ANKRD10: variants seen among roughly 807,000 people sequenced by gnomAD.
ANKRD10 encodes ankyrin repeat domain-containing protein 10.
ANKRD10 carries 14 observed loss-of-function variants against 27.0 expected under a neutral mutation model. The ratio of observed to expected loss-of-function variants is 0.52; its 90% CI spans 0.34 to 0.81. ANKRD10 has a LOEUF of 0.81. Ranked by LOEUF, ANKRD10 falls within the 40% of genes least tolerant of loss-of-function variation. The pLI is 0.01. For missense variants in ANKRD10, 493 were observed against 544.0 expected (o/e 0.91, Z 0.93); for synonymous variants, 250 against 224.5 (o/e 1.11, Z -1.01).
chr13:110,892,022 T>G (rs2138837303), intron 4 of ANKRD10, among the ~76,000 whole-genome samples: 1 of 151,544 alleles, frequency 6.6e-6, no homozygotes, highest in South Asian at 2.1e-4. Context: ...CTAAGACATC[T>G]TATATATAGA....
rs774817371 is a variant in ANKRD10, at chr13:110,883,750, T to C, written c.735A>G (p.Thr245=). Residue 245 remains threonine, a synonymous_variant, in exon 5 of 6, where the codon ACA becomes ACG. Transcript: ENST00000267339. ...CGTGCATTTTGTCAGCATCGTCTTC[T>C]GTGTCGCCATTCGTGAGTGGCACGG... ...DSAVPLTNGD[T]EDDADKMHVD... 3.7e-6 allele frequency: 6 copies of C among 1,614,236 alleles called. No individual in the cohort carries two copies. The South Asian group carries it at 5.5e-5, about 15-fold the overall frequency.
At chr13:110,888,582 TTCCTC>T (rs904581674) in intron 4 of ANKRD10, among the ~76,000 whole-genome samples, 8 of 152,232 alleles carry the variant, frequency 5.3e-5, no homozygotes, top group Admixed American at 1.3e-4. Context: ...GGCATTTTAT[TTCCTC>T]TCAAGTTTCA....
At chr13:110,899,218 G>A (rs562942428) in intron 3 of ANKRD10, 1 of 152,304 alleles carries the variant, frequency 6.6e-6, no homozygotes, top group East Asian at 1.9e-4. Context: ...ATTCCAAAGG[G>A]AAAATTAAAG....
intron 4 of ANKRD10, 65 bp downstream of exon 4, chr13:110,892,963 A>G (rs1408442831): frequency 1.3e-5 from 21 of 1,584,740 alleles, no homozygotes; most frequent in Admixed American, 1.1e-4. Flanking sequence ...GCTCAGCCAT[A>G]AAAAGAAAAC....
intron 5 of ANKRD10, among the ~76,000 whole-genome samples, chr13:110,881,142 A>G (rs1566444218): frequency 1.3e-5 from 2 of 152,250 alleles, no homozygotes; most frequent in African/African-American, 4.8e-5. Flanking sequence ...ACGTAACAGT[A>G]TAAGGGATGA....
At chr13:110,897,827 C>T (rs191531621) in intron 3 of ANKRD10, among the ~76,000 whole-genome samples, 325 of 152,336 alleles carry the variant, frequency 2.1e-3, no homozygotes, top group African/African-American at 7.3e-3. Context: ...AGTGTTTAAA[C>T]GTTCCTTTGC....
intron 5 of ANKRD10, among the ~76,000 whole-genome samples, chr13:110,880,863 C>T (rs2064804199): frequency 6.6e-6 from 1 of 152,218 alleles, no homozygotes; most frequent in Non-Finnish European, 1.5e-5. Flanking sequence ...CCTGGGCCAA[C>T]AGCACAACGC....
At chr13:110,892,884 T>C in intron 4 of ANKRD10, 144 bp downstream of exon 4, 1 of 1,441,304 alleles carries the variant, frequency 6.9e-7, no homozygotes, top group Non-Finnish European at 9.1e-7. Context: ...ACAGGAGAAA[T>C]CTCCACCGTC....
intron 4 of ANKRD10, chr13:110,892,676 TAAA>T: frequency 4.1e-6 from 3 of 735,180 alleles, no homozygotes; most frequent in Non-Finnish European, 3.3e-6. Context: ...AGAAGCAAAT[TAAA>T]AAAAAAAAAA....
Position 110,879,997 on chromosome 13 carries a change from C to T in ANKRD10, c.903G>A (p.Gln301=), listed in dbSNP as rs755766154. The stretch of plus-strand genomic sequence containing the variant: ...TAATTCCGTTAGTTCCTGTCAAGCA[C>T]TGGCCATTCCTGCTTTCCATCCCAC... ...PLSGMESRNG[Q]CLTGTNGISS... is the part of the protein sequence containing the mutation. The change falls in exon 6 of 6, where the codon CAG becomes CAA. Residue 301 remains glutamine (Q), a synonymous_variant. Coordinates refer to ENST00000267339, the MANE Select transcript of ANKRD10 (RefSeq NM_017664.4). The T allele has an allele frequency of 6.2e-7, 1 of 1,614,234 alleles. No homozygotes were observed. Among genetic ancestry groups the T allele is most frequent in the South Asian group, 1.1e-5 (1 of 91,088 alleles).
intron 5 of ANKRD10, among the ~76,000 whole-genome samples, chr13:110,882,881 T>TA (rs1266083870): frequency 2.6e-5 from 4 of 152,000 alleles, no homozygotes; most frequent in South Asian, 2.1e-4. Flanking sequence ...ATAATAAACT[T>TA]AAAAAAAATC....
intron 4 of ANKRD10, 128 bp from the exon 5 acceptor site, chr13:110,883,921 G>A: frequency 1.9e-6 from 2 of 1,071,036 alleles, no homozygotes; most frequent in Admixed American, 2.9e-5. Flanking sequence ...AAAATCGACA[G>A]GTCACTAATG....
rs1000744993 is a variant in ANKRD10, at chr13:110,893,019, C to T, written c.691+9G>A. 9 of 1,612,880 alleles carry T rather than the reference C, an allele frequency of 5.6e-6. No homozygotes were observed. The highest frequency in any genetic ancestry group is 4.5e-5 in the East Asian group (2 of 44,870). On this transcript the variant is annotated intron_variant, in intron 4 of 5. Transcript: ENST00000267339. ...AAGTGTGCTCTTCCCACCCGCAAAG[C>T]GGTCTCACCTTCAGTTCTAGCTTTC... is the stretch of plus-strand genomic sequence containing the variant.
intron 4 of ANKRD10, among the ~76,000 whole-genome samples, chr13:110,892,415 G>GAAAAAAAAAAAA (rs1381734881): frequency 3.1e-3 from 8 of 2,586 alleles, no homozygotes; most frequent in African/African-American, 4.9e-3. Context: ...GGGTGACAGA[G>GAAAAAAAAAAAA]CAAAAAAAAA....
At chr13:110,893,485 C>A (rs772218415) in intron 3 of ANKRD10, among the ~76,000 whole-genome samples, 4 of 152,212 alleles carry the variant, frequency 2.6e-5, no homozygotes, top group Non-Finnish European at 5.9e-5. Flanking sequence ...ATATGCTAAA[C>A]TTCTAAAAAA....
chr13:110,906,183 A>G, intron 2 of ANKRD10, 59 bp from the exon 3 acceptor site: 1 of 1,326,616 alleles, frequency 7.5e-7, no homozygotes, highest in Non-Finnish European at 1.0e-6. Context: ...GACATTTTGG[A>G]AGTAATGTCA....
chr13:110,900,902 A>G (rs1243178387), intron 3 of ANKRD10, among the ~76,000 whole-genome samples: 2 of 152,248 alleles, frequency 1.3e-5, no homozygotes, highest in African/African-American at 2.4e-5. Flanking sequence ...ACCATGAGCT[A>G]CTGCTCTAAA....
At chr13:110,898,142 T>C (rs1016554348) in intron 3 of ANKRD10, among the ~76,000 whole-genome samples, 1 of 152,190 alleles carries the variant, frequency 6.6e-6, no homozygotes, top group South Asian at 2.1e-4. Context: ...AAAACAATCA[T>C]TCCTATTCCT....
rs1391094692 is a variant in ANKRD10, at chr13:110,914,582, G to A, written c.210+143C>T. The A allele has an allele frequency of 5.5e-6, 7 of 1,266,772 alleles. No homozygotes were observed. In the East Asian group the frequency reaches 1.5e-4, roughly 27 times the overall value. 78.5% of individuals were successfully genotyped at this position (1,266,772 alleles called of 1,614,324 possible). Reference sequence around the variant, plus strand: ...CGAGCGCTGCCGCACAGGCGCCCTAGGCCCCTCGGGGCACAGGCGCCGTCG... The same window carrying A: ...CGAGCGCTGCCGCACAGGCGCCCTAAGCCCCTCGGGGCACAGGCGCCGTCG... On this transcript the variant is annotated intron_variant, in intron 1 of 5. Transcript: ENST00000267339.
Sources: allele counts gnomAD v4.1 joint callset (sites outside exome capture counted in the v4.1 genomes callset), GRCh38; gene constraint gnomAD v4.1.1; transcripts MANE v1.5; gene names NCBI Gene and HGNC (gene_info 2026-07-23, HGNC 2026-07-21).